Variants in DOCK1 observed in about 807,000 individuals in gnomAD.
The protein encoded by DOCK1 is dedicator of cytokinesis 1, also known as dedicator of cytokinesis protein 1.
In DOCK1, 138 loss-of-function variants were observed where a neutral mutation model predicts 262.7. The ratio of observed to expected loss-of-function variants is 0.53; its 90% confidence interval spans 0.46 to 0.61. DOCK1 has a LOEUF of 0.61. DOCK1 is among the 20% of genes least tolerant of loss of function. The probability of loss-of-function intolerance (pLI) is 0.00; values close to 1 mark genes in which losing one functional copy is unlikely to be tolerated. For missense variants in DOCK1, 1,908 were observed against 2,370.7 expected (o/e 0.80, Z 4.05); for synonymous variants, 866 against 867.4 (o/e 1.00, Z 0.03).
At chr10:127,419,620 T>C in intron 45 of DOCK1, 46 bp from the exon 46 acceptor site, 1 of 1,543,134 alleles carries the variant, frequency 6.5e-7, no homozygotes, top group Non-Finnish European at 8.8e-7. Context: ...CAAAAACCTG[T>C]GTTTGCTGAG....
chr10:126,926,437 A>G (rs1336695235), intron 1 of DOCK1, among the ~76,000 whole-genome samples: 1 of 152,140 alleles, frequency 6.6e-6, no homozygotes, highest in Non-Finnish European at 1.5e-5. Context: ...ATTTTCATAT[A>G]TTTACATGTC....
intron 1 of DOCK1, among the ~76,000 whole-genome samples, chr10:126,957,387 A>G (rs924901835): frequency 1.3e-5 from 2 of 152,170 alleles, no homozygotes; most frequent in South Asian, 2.1e-4. Context: ...CAAAAGTGCA[A>G]ACGCCTCCCA....
At chr10:127,028,901 C>G (rs926998304) in intron 16 of DOCK1, among the ~76,000 whole-genome samples, 3 of 152,118 alleles carry the variant, frequency 2.0e-5, no homozygotes, top group Non-Finnish European at 4.4e-5. Flanking sequence ...CTCTAGGGCT[C>G]CACGCATATA....
intron 37 of DOCK1, 82 bp downstream of exon 37, chr10:127,381,450 A>G (rs565146284): frequency 8.5e-6 from 11 of 1,286,574 alleles, no homozygotes; most frequent in Non-Finnish European, 1.2e-5. Flanking sequence ...TCCATGGCAA[A>G]TTTTAGTAGG....
intron 27 of DOCK1, among the ~76,000 whole-genome samples, chr10:127,219,815 A>C (rs187459041): frequency 6.6e-6 from 1 of 151,874 alleles, no homozygotes. Flanking sequence ...CCTACACTCT[A>C]TCCCATCCCC....
chr10:126,951,364 GGTA>G (rs1231591524), intron 1 of DOCK1, among the ~76,000 whole-genome samples: 21 of 151,512 alleles, frequency 1.4e-4, no homozygotes, highest in Middle Eastern at 3.4e-3. Context: ...TGATAGTATT[GGTA>G]GTGGTGGTGG....
At chr10:127,249,432 T>C (rs10829635) in intron 28 of DOCK1, among the ~76,000 whole-genome samples, 99 of 97,038 alleles carry the variant, frequency 1.0e-3, no homozygotes, top group East Asian at 3.2e-3. Flanking sequence ...CATATATATA[T>C]ACACACACAC....
At chr10:127,423,440 C>T (rs2068628081) in intron 46 of DOCK1, among the ~76,000 whole-genome samples, 1 of 152,194 alleles carries the variant, frequency 6.6e-6, no homozygotes, top group Non-Finnish European at 1.5e-5. Flanking sequence ...CTGCTCCTCG[C>T]TGGGTGGGAG....
At chr10:126,979,451 A>G in intron 3 of DOCK1, among the ~76,000 whole-genome samples, 1 of 152,198 alleles carries the variant, frequency 6.6e-6, no homozygotes, top group Middle Eastern at 3.2e-3. Flanking sequence ...ATCATGGACT[A>G]ATATGCCCCT....
intron 12 of DOCK1, among the ~76,000 whole-genome samples, chr10:127,017,364 CA>C (rs1565070041): frequency 6.6e-6 from 1 of 151,518 alleles, no homozygotes; most frequent in East Asian, 1.9e-4. Context: ...TACACATAAG[CA>C]CAGATACAGA....
chr10:126,964,948 G>A (rs1175763592), intron 1 of DOCK1, among the ~76,000 whole-genome samples: 1 of 152,240 alleles, frequency 6.6e-6, no homozygotes, highest in East Asian at 1.9e-4. Flanking sequence ...GACTGCATGA[G>A]GAAGAGTACT....
intron 18 of DOCK1, among the ~76,000 whole-genome samples, chr10:127,035,913 G>T (rs2043563880): frequency 6.6e-6 from 1 of 151,872 alleles, no homozygotes; most frequent in African/African-American, 2.4e-5. Flanking sequence ...GTGGTGGGAG[G>T]ATTGCTTGAG....
rs538154163 is a variant in DOCK1 at position 127,204,734 on chromosome 10, C to T, written c.2848-43274C>T. ...TTGTGTTTCCAGTGTGCATCCCAGACATTTGTTTCAGAATTTGTTAAACAT... is the reference window on the plus strand; with the variant it reads ...TTGTGTTTCCAGTGTGCATCCCAGATATTTGTTTCAGAATTTGTTAAACAT... On this transcript the variant is annotated intron_variant, in intron 27 of 51. Transcript: ENST00000623213. 8.6e-4 allele frequency among the ~76,000 whole-genome samples: 131 copies of T among 152,204 alleles called. 2 individuals carry two copies. Among genetic ancestry groups the T allele is most frequent in the Non-Finnish European group, 7.3e-4 (50 of 68,038 alleles).
intron 2 of DOCK1, among the ~76,000 whole-genome samples, chr10:126,976,875 A>G (rs1284006491): frequency 1.3e-5 from 2 of 152,090 alleles, no homozygotes; most frequent in Non-Finnish European, 2.9e-5. Flanking sequence ...CTGTGATCAT[A>G]GGGGCTTACC....
At chr10:127,447,591 C>T in intron 51 of DOCK1, 46 bp downstream of exon 51, 1 of 1,601,050 alleles carries the variant, frequency 6.2e-7, no homozygotes, top group South Asian at 1.1e-5. Context: ...TTCGCCTCCA[C>T]AAAGTAGGAC....
chr10:127,298,213 AATATC>A (rs2061567125), intron 29 of DOCK1, among the ~76,000 whole-genome samples: 1 of 152,224 alleles, frequency 6.6e-6, no homozygotes. Flanking sequence ...CCAAACAAAT[AATATC>A]TATATGCTAA....
At chr10:127,104,805 T>G (rs1324375868) in intron 23 of DOCK1, among the ~76,000 whole-genome samples, 3 of 152,184 alleles carry the variant, frequency 2.0e-5, no homozygotes, top group African/African-American at 2.4e-5. Flanking sequence ...GGACTCAGGG[T>G]CTGACTTTCC....
At chr10:127,008,472 C>A (rs1031044283) in intron 10 of DOCK1, among the ~76,000 whole-genome samples, 4 of 152,108 alleles carry the variant, frequency 2.6e-5, no homozygotes, top group African/African-American at 9.7e-5. Flanking sequence ...TTGGACAGGG[C>A]AGCTCTAGGG....
At chr10:126,908,531 G>A (rs1286798026) in intron 1 of DOCK1, among the ~76,000 whole-genome samples, 1 of 152,226 alleles carries the variant, frequency 6.6e-6, no homozygotes, top group African/African-American at 2.4e-5. Context: ...CAAGTACTTG[G>A]AATCTGTTAG....
Sources: allele counts gnomAD v4.1 joint callset (sites outside exome capture counted in the v4.1 genomes callset), GRCh38; gene constraint gnomAD v4.1.1; transcripts MANE v1.5; gene names NCBI Gene and HGNC (gene_info 2026-07-23, HGNC 2026-07-21).